ASTN2: variants seen among roughly 807,000 people sequenced by gnomAD.
ASTN2 encodes the protein astrotactin-2.
In ASTN2, 54 loss-of-function variants were observed where a neutral mutation model predicts 139.8. The ratio of observed to expected loss-of-function variants is 0.39; its 90% confidence interval spans 0.31 to 0.48. The LOEUF is 0.48. ASTN2 is among the 20% of genes least tolerant of loss of function. The pLI is 0.95. For missense variants in ASTN2, 1,565 were observed against 1,725.1 expected, an observed-to-expected ratio of 0.91 and a Z score of 1.64; for synonymous variants, 756 against 719.5, an observed-to-expected ratio of 1.05 and a Z score of -0.81.
chr9:116,863,415 T>C (rs1832941090), intron 11 of ASTN2, among the ~76,000 whole-genome samples, 168 bp downstream of exon 11: 2 of 152,204 alleles, frequency 1.3e-5, no homozygotes, highest in Admixed American at 6.5e-5. Flanking sequence ...TGATCTCACT[T>C]TACAGGTGAG....
chr9:117,086,231 C>T (rs556708307), intron 5 of ASTN2, among the ~76,000 whole-genome samples: 3 of 152,258 alleles, frequency 2.0e-5, no homozygotes, highest in East Asian at 1.9e-4. Context: ...AACTGAGGCC[C>T]AAAGCCTTGC....
At chr9:116,922,411 T>C (rs546201230) in intron 10 of ASTN2, among the ~76,000 whole-genome samples, 1 of 152,322 alleles carries the variant, frequency 6.6e-6, no homozygotes, top group Admixed American at 6.5e-5. Flanking sequence ...CTTGGAATCA[T>C]AGACTCAGGG....
chr9:116,953,947 C>G (rs1835636616), intron 10 of ASTN2, among the ~76,000 whole-genome samples: 1 of 152,180 alleles, frequency 6.6e-6, no homozygotes, highest in African/African-American at 2.4e-5. Context: ...GAACCTTGTG[C>G]TAGTTCACAC....
At chr9:117,122,061 G>A (rs1587987264) in intron 4 of ASTN2, among the ~76,000 whole-genome samples, 2 of 152,174 alleles carry the variant, frequency 1.3e-5, no homozygotes, top group Non-Finnish European at 2.9e-5. Flanking sequence ...AGTTCCTGGT[G>A]ATAATAAATA....
intron 3 of ASTN2, among the ~76,000 whole-genome samples, chr9:117,191,983 C>T (rs551164722): frequency 2.6e-5 from 4 of 152,150 alleles, no homozygotes; most frequent in South Asian, 4.2e-4. Flanking sequence ...TCAGAGCATG[C>T]CCGTTTGTTT....
intron 6 of ASTN2, among the ~76,000 whole-genome samples, chr9:117,033,593 C>G (rs1838306276): frequency 6.6e-6 from 1 of 152,122 alleles, no homozygotes; most frequent in Admixed American, 6.6e-5. Flanking sequence ...CCTGACCATA[C>G]TCATTACCCA....
intron 2 of ASTN2, among the ~76,000 whole-genome samples, chr9:117,224,604 A>C (rs539084234): frequency 1.3e-5 from 2 of 152,340 alleles, no homozygotes; most frequent in South Asian, 4.1e-4. Context: ...TAAAAAAGCA[A>C]AGGCAAACTG....
intron 16 of ASTN2, chr9:116,697,490 G>C: frequency 2.0e-6 from 1 of 502,064 alleles, no homozygotes; most frequent in Admixed American, 3.2e-5. Flanking sequence ...TGTTTTGTCT[G>C]GTTTGTTTCC....
chr9:117,236,717 C>T (rs1232366208), intron 2 of ASTN2, among the ~76,000 whole-genome samples: 2 of 152,144 alleles, frequency 1.3e-5, no homozygotes, highest in African/African-American at 4.8e-5. Flanking sequence ...AATCTGACTC[C>T]CAGCTCTACC....
chr9:117,034,919 CA>C (rs1838340013), intron 6 of ASTN2, among the ~76,000 whole-genome samples: 1 of 152,150 alleles, frequency 6.6e-6, no homozygotes, highest in Non-Finnish European at 1.5e-5. Context: ...GGGCTCTGGA[CA>C]AGTGCTATGT....
chr9:117,331,403 A>G (rs754673949), intron 1 of ASTN2, among the ~76,000 whole-genome samples: 2 of 152,120 alleles, frequency 1.3e-5, no homozygotes, highest in Non-Finnish European at 2.9e-5. Flanking sequence ...TCCAAACAGT[A>G]GGGTTTGATA....
chr9:116,946,116 T>A (rs920503917), intron 10 of ASTN2, among the ~76,000 whole-genome samples: 1 of 152,204 alleles, frequency 6.6e-6, no homozygotes, highest in African/African-American at 2.4e-5. Flanking sequence ...AAGTACACAC[T>A]CATGATTCAG....
At chr9:117,114,426 C>T (rs1829327848) in intron 4 of ASTN2, among the ~76,000 whole-genome samples, 1 of 152,192 alleles carries the variant, frequency 6.6e-6, no homozygotes, top group African/African-American at 2.4e-5. Context: ...TTTAGCATAA[C>T]AATTCTTCCT....
chr9:116,502,535 G>A (rs1849902075), intron 19 of ASTN2, among the ~76,000 whole-genome samples: 1 of 73,858 alleles, frequency 1.4e-5, no homozygotes, highest in African/African-American at 3.5e-5. Context: ...AGAGAGAAGT[G>A]GATAGAAGGT....
At chr9:116,898,733 G>A (rs1369089067) in intron 10 of ASTN2, among the ~76,000 whole-genome samples, 2 of 152,248 alleles carry the variant, frequency 1.3e-5, no homozygotes, top group Admixed American at 1.3e-4. Flanking sequence ...GCAGTGGCAC[G>A]TTCACATCTC....
At chr9:117,305,353 T>C (rs2130805900) in intron 1 of ASTN2, among the ~76,000 whole-genome samples, 1 of 152,306 alleles carries the variant, frequency 6.6e-6, no homozygotes. Context: ...TTATGATTAA[T>C]GCCAATCAAC....
intron 16 of ASTN2, among the ~76,000 whole-genome samples, chr9:116,683,462 A>T (rs1860014126): frequency 1.3e-5 from 2 of 152,222 alleles, no homozygotes. Flanking sequence ...GACTTTTGTC[A>T]TCCATAGACA....
At chr9:117,128,085 T>C (rs1434933487) in intron 4 of ASTN2, among the ~76,000 whole-genome samples, 4 of 152,148 alleles carry the variant, frequency 2.6e-5, no homozygotes, top group Non-Finnish European at 4.4e-5. Flanking sequence ...CTTCTTGCAC[T>C]GAGTCAGTTC....
At chr9:116,830,190 T>C (rs2132283666) in intron 11 of ASTN2, among the ~76,000 whole-genome samples, 1 of 152,308 alleles carries the variant, frequency 6.6e-6, no homozygotes, top group Non-Finnish European at 1.5e-5. Context: ...CAGACACTTC[T>C]TAAAAGAAGA....
Sources: gnomAD v4.1 joint callset for allele counts (sites outside exome capture counted in the v4.1 genomes callset) on GRCh38, gnomAD v4.1.1 for gene constraint, MANE v1.5 for transcripts, NCBI Gene and HGNC (gene_info 2026-07-23, HGNC 2026-07-21) for gene names.